Variants in FNDC3A observed in about 807,000 individuals in gnomAD.
FNDC3A encodes the protein fibronectin type III domain containing 3A.
In FNDC3A, 32 loss-of-function variants were observed where a neutral mutation model predicts 148.9. That is an observed-to-expected ratio of 0.21 (90% CI 0.16 to 0.29). The LOEUF is 0.29. FNDC3A is among the 10% of genes least tolerant of loss of function. The pLI, the probability that FNDC3A is intolerant of heterozygous loss-of-function variation, is 1.00. For synonymous variants in FNDC3A, 472 were observed against 473.6 expected (o/e 1.00, Z 0.04); for missense variants, 1,191 against 1,452.8 (o/e 0.82, Z 2.93).
intron 19 of FNDC3A, 21 bp from the exon 20 acceptor site, chr13:49,196,856 T>C (rs769021936): frequency 4.5e-6 from 6 of 1,323,476 alleles, no homozygotes; most frequent in Non-Finnish European, 6.5e-6. Flanking sequence ...ATAAAAACAC[T>C]AGTTACATTT....
At chr13:49,153,428 A>G (rs867560874) in intron 8 of FNDC3A, among the ~76,000 whole-genome samples, 1 of 152,288 alleles carries the variant, frequency 6.6e-6, no homozygotes, top group South Asian at 2.1e-4. Context: ...GCCCTTTGTC[A>G]GATGAGTAGG....
chr13:48,991,654 C>G (rs1323889656), intron 1 of FNDC3A, among the ~76,000 whole-genome samples: 1 of 151,388 alleles, frequency 6.6e-6, no homozygotes, highest in African/African-American at 2.4e-5. Flanking sequence ...CACCACTGCA[C>G]TCCAGCCTGA....
At chr13:49,180,067 G>C (rs1885228185) in intron 14 of FNDC3A, among the ~76,000 whole-genome samples, 1 of 152,116 alleles carries the variant, frequency 6.6e-6, no homozygotes, top group Non-Finnish European at 1.5e-5. Context: ...ATACATATCT[G>C]TGTCTCTGTA....
At chr13:48,984,994 A>T (rs902742334) in intron 1 of FNDC3A, among the ~76,000 whole-genome samples, 1 of 152,118 alleles carries the variant, frequency 6.6e-6, no homozygotes, top group Non-Finnish European at 1.5e-5. Flanking sequence ...GAGTGGACTA[A>T]ATGTTGATAA....
chr13:49,054,194 A>G (rs1876060834), intron 2 of FNDC3A, among the ~76,000 whole-genome samples: 1 of 152,194 alleles, frequency 6.6e-6, no homozygotes, highest in Admixed American at 6.5e-5. Context: ...GTCCTTAGTC[A>G]GGTAGGGCAC....
chr13:48,988,138 C>T (rs1307976488), intron 1 of FNDC3A: 1 of 152,018 alleles, frequency 6.6e-6, no homozygotes, highest in African/African-American at 2.4e-5. Context: ...ACAGGAGCAC[C>T]CAGATTTATA....
chr13:49,016,504 T>C (rs1872791806), intron 2 of FNDC3A, among the ~76,000 whole-genome samples: 1 of 152,234 alleles, frequency 6.6e-6, no homozygotes, highest in South Asian at 2.1e-4. Flanking sequence ...TTTTCTTTAT[T>C]AGTCTTGCTA....
intron 14 of FNDC3A, 33 bp from the exon 15 acceptor site, chr13:49,185,931 G>A (rs1003219329): frequency 1.9e-6 from 3 of 1,558,104 alleles, no homozygotes; most frequent in Admixed American, 1.7e-5. Context: ...GGTATCAAGT[G>A]TATTATTTAA....
chr13:49,144,807 A>G (rs1882898835), intron 7 of FNDC3A, among the ~76,000 whole-genome samples: 1 of 152,244 alleles, frequency 6.6e-6, no homozygotes, highest in Admixed American at 6.5e-5. Flanking sequence ...ACATTTTTGT[A>G]CAGTTTTATA....
intron 2 of FNDC3A, among the ~76,000 whole-genome samples, chr13:49,023,806 G>A (rs1873501261): frequency 6.6e-6 from 1 of 151,936 alleles, no homozygotes; most frequent in African/African-American, 2.4e-5. Flanking sequence ...TTTTGCAAGT[G>A]TCCTTACATT....
intron 3 of FNDC3A, among the ~76,000 whole-genome samples, chr13:49,090,086 G>A (rs1179586031): frequency 6.6e-6 from 1 of 152,094 alleles, no homozygotes; most frequent in Non-Finnish European, 1.5e-5. Context: ...GAAAAGGGCA[G>A]GAGAAGAAAA....
intron 4 of FNDC3A, among the ~76,000 whole-genome samples, chr13:49,117,147 A>C (rs7490943): frequency 6.6e-6 from 1 of 152,214 alleles, no homozygotes; most frequent in Non-Finnish European, 1.5e-5. Context: ...AAATATTTGT[A>C]AATTAGATAA....
At chr13:49,064,300 C>T (rs889308123) in intron 2 of FNDC3A, among the ~76,000 whole-genome samples, 5 of 151,580 alleles carry the variant, frequency 3.3e-5, no homozygotes, top group Non-Finnish European at 5.9e-5. Flanking sequence ...AAGATCGTGC[C>T]ATTGCACTAC....
chr13:49,181,840 C>T lies in FNDC3A; in HGVS notation c.1617+3186C>T, dbSNP rs562791398. On this transcript the variant is annotated intron_variant, in intron 14 of 25. Coordinates refer to ENST00000492622, the MANE Select transcript of FNDC3A (RefSeq NM_001079673.2). ...AAGAATATGATTAATGTAAAGTGAA[C>T]TACTAATATGACCAAGTTTACCAAA... 2.0e-3 allele frequency among the ~76,000 whole-genome samples: 303 copies of T among 152,102 alleles called. 1 individual carries two copies. Among genetic ancestry groups the T allele is most frequent in the Admixed American group, 5.7e-3 (87 of 15,282 alleles).
chr13:49,023,434 CTT>C (rs1262425081), intron 2 of FNDC3A, among the ~76,000 whole-genome samples: 4 of 151,398 alleles, frequency 2.6e-5, no homozygotes, highest in African/African-American at 9.7e-5. Flanking sequence ...TTTATACTAT[CTT>C]AATATATATT....
chr13:49,187,636 G>A (rs1885652207), intron 16 of FNDC3A: 1 of 1,602,450 alleles, frequency 6.2e-7, no homozygotes, highest in Non-Finnish European at 8.5e-7. Flanking sequence ...ACGGACCACA[G>A]AGGTTGTGAA....
At chr13:49,087,771 A>G (rs953118228) in intron 3 of FNDC3A, among the ~76,000 whole-genome samples, 4 of 152,124 alleles carry the variant, frequency 2.6e-5, no homozygotes, top group African/African-American at 9.6e-5. Context: ...CCAATTATAA[A>G]ATAAATATGT....
At chr13:49,043,117 A>T (rs975338620) in intron 2 of FNDC3A, among the ~76,000 whole-genome samples, 13 of 147,128 alleles carry the variant, frequency 8.8e-5, no homozygotes, top group African/African-American at 3.3e-4. Flanking sequence ...CACCACACCC[A>T]GCCAGTTTTT....
At chr13:49,154,310 GCT>G (rs1343694923) in intron 8 of FNDC3A, among the ~76,000 whole-genome samples, 1 of 112,594 alleles carries the variant, frequency 8.9e-6, no homozygotes, top group Non-Finnish European at 1.9e-5. Flanking sequence ...TCATGATTTG[GCT>G]CTCTGTTTGT....
Sources: allele counts gnomAD v4.1 joint callset (sites outside exome capture counted in the v4.1 genomes callset), GRCh38; gene constraint gnomAD v4.1.1; transcripts MANE v1.5; gene names NCBI Gene and HGNC (gene_info 2026-07-23, HGNC 2026-07-21).